Variants in DNAH14 observed in about 807,000 individuals in gnomAD.
The protein encoded by DNAH14 is dynein axonemal heavy chain 14.
DNAH14 carries 478 observed loss-of-function variants against 520.9 expected under a neutral mutation model. The observed-to-expected ratio is 0.92, with a 90% confidence interval of 0.85 to 0.99. The LOEUF is 0.99. Among genes scored for constraint, DNAH14 ranks in the 50% least tolerant of loss-of-function variants. The pLI is 0.00. For missense variants in DNAH14, 4,831 were observed against 5,234.5 expected, an observed-to-expected ratio of 0.92 and a Z score of 2.38; for synonymous variants, 1,581 against 1,757.2, an observed-to-expected ratio of 0.90 and a Z score of 2.51.
chr1:225,149,474 C>A (rs2080271533), intron 31 of DNAH14, among the ~76,000 whole-genome samples: 1 of 152,084 alleles, frequency 6.6e-6, no homozygotes, highest in Non-Finnish European at 1.5e-5. Context: ...ATTAAAATGT[C>A]ACTGGTAATT....
Position 225,308,391 on chromosome 1 carries a change from T to C in DNAH14, c.9221T>C (p.Ile3074Thr), listed in dbSNP as rs2094293076. The change falls in exon 60 of 86, where the codon ATT (isoleucine) becomes ACT (threonine). Residue 3074 changes from isoleucine (I) to threonine (T), a missense_variant. Physicochemically the swap from Ile to Thr is moderately conservative, Grantham distance 89 (BLOSUM62 -1). Transcript: ENST00000682510. Reference protein sequence around the residue: ...DEEIVAEEVRIVEDYAQKTAN... With the variant: ...DEEIVAEEVRTVEDYAQKTAN... ...GAAATTGTGGCAGAAGAAGTAAGAA[T>C]TGTGGAAGATTATGCTCAGGTAAAA... is the stretch of plus-strand genomic sequence containing the variant. The C allele has an allele frequency of 6.5e-7, 1 of 1,532,884 alleles. No homozygotes were observed. Among genetic ancestry groups the C allele is most frequent in the African/African-American group, 1.4e-5 (1 of 71,776 alleles). 95.0% of individuals were successfully genotyped at this position (1,532,884 alleles called of 1,614,324 possible).
At chr1:225,075,183 A>G (rs1248893774) in intron 17 of DNAH14, among the ~76,000 whole-genome samples, 2 of 152,080 alleles carry the variant, frequency 1.3e-5, no homozygotes, top group Non-Finnish European at 2.9e-5. Context: ...TCCATGGGAG[A>G]AGTGTGGTTT....
At chr1:224,978,265 T>A (rs1319066355) in intron 8 of DNAH14, among the ~76,000 whole-genome samples, 1 of 152,056 alleles carries the variant, frequency 6.6e-6, no homozygotes, top group Non-Finnish European at 1.5e-5. Context: ...AATCTAAAAG[T>A]CCATCAACAG....
chr1:225,240,786 C>A lies in DNAH14; in HGVS notation c.6712C>A (p.Leu2238Ile). 1 of 1,549,894 alleles carries A rather than the reference C, an allele frequency of 6.5e-7. No individual in the cohort carries two copies. The highest frequency in any genetic ancestry group is 8.7e-7 in the Non-Finnish European group (1 of 1,145,840). The stretch of plus-strand genomic sequence containing the variant: ...AAAAGTAACATACGATTTTGACAAA[C>A]TTGTTCATGAATTATTTGGAAACAG... ...LAKVTYDFDK[L>I]VHELFGNSSQ... The change falls in exon 43 of 86, where the codon CTT becomes ATT. Residue 2238 changes from leucine to isoleucine, a missense_variant. By Grantham distance (5) the Leu-to-Ile change is conservative. Transcript: ENST00000682510.
intron 10 of DNAH14, among the ~76,000 whole-genome samples, chr1:225,013,707 G>A (rs1330620898): frequency 6.6e-6 from 1 of 152,146 alleles, no homozygotes; most frequent in African/African-American, 2.4e-5. Flanking sequence ...CAGGTGCTGT[G>A]GTAGGGTCTG....
At position 225,195,099 on chromosome 1, in the gene DNAH14, T is replaced by C. The variant is rs1453337982; in HGVS notation, c.5886+2188T>C. On this transcript the variant is annotated intron_variant, in intron 38 of 85. Coordinates refer to ENST00000682510, the MANE Select transcript of DNAH14 (RefSeq NM_001367479.1). ...CAGCCACTGTGGAAAGCACAGTGAT[T>C]TGGTGATTTCTCAAAGAACTTAGAA... Among the ~76,000 whole-genome samples the C allele has an allele frequency of 2.6e-5, 4 of 152,064 alleles. No homozygotes were observed. The East Asian group carries it at 7.8e-4, about 29-fold the overall frequency.
chr1:225,040,206 TGGGATTACA>T (rs1311579978), intron 12 of DNAH14, among the ~76,000 whole-genome samples: 1 of 152,110 alleles, frequency 6.6e-6, no homozygotes, highest in African/African-American at 2.4e-5. Flanking sequence ...CCCGAAGTGT[TGGGATTACA>T]GGCATGAGCC....
At chr1:224,999,273 C>G (rs777896372) in intron 8 of DNAH14, among the ~76,000 whole-genome samples, 2 of 152,072 alleles carry the variant, frequency 1.3e-5, no homozygotes, top group African/African-American at 2.4e-5. Context: ...ATGGCAAGAT[C>G]TCAACTCACC....
At chr1:225,156,757 C>G (rs2081085707) in intron 34 of DNAH14, among the ~76,000 whole-genome samples, 1 of 98,364 alleles carries the variant, frequency 1.0e-5, no homozygotes, top group Non-Finnish European at 1.9e-5. Context: ...CTCTGTCGCC[C>G]AGGCTGGAGT....
intron 41 of DNAH14, among the ~76,000 whole-genome samples, chr1:225,228,039 A>G (rs59935799): frequency 6.6e-6 from 1 of 152,142 alleles, no homozygotes; most frequent in Admixed American, 6.5e-5. Context: ...CATTCCTACC[A>G]GTCAATTTGA....
intron 58 of DNAH14, 86 bp from the exon 59 acceptor site, chr1:225,307,375 G>C: frequency 1.1e-6 from 1 of 931,108 alleles, no homozygotes; most frequent in East Asian, 2.8e-5. Flanking sequence ...GCCATAATTT[G>C]GTGTAATTCT....
rs950854744 is a variant in DNAH14 at position 224,964,690 on chromosome 1, T to G, written c.498+81T>G. The G allele has an allele frequency of 4.0e-6, 5 of 1,244,714 alleles. No individual in the cohort carries two copies. The East Asian group carries it at 1.1e-4, about 27-fold the overall frequency. The allele number at this position is 1,244,714 out of a possible 1,614,324, so 77.1% of individuals were successfully genotyped here. On this transcript the variant is annotated intron_variant, in intron 5 of 85. Transcript: ENST00000682510. Reference sequence around the variant, plus strand: ...TTTAATTTTTATTTCATTTCAGATATTATGTCAAAGTCAAACATTACATTA... The same window carrying G: ...TTTAATTTTTATTTCATTTCAGATAGTATGTCAAAGTCAAACATTACATTA...
At chr1:225,089,393 A>G (rs544191149) in intron 21 of DNAH14, among the ~76,000 whole-genome samples, 19 of 147,256 alleles carry the variant, frequency 1.3e-4, no homozygotes, top group Non-Finnish European at 2.2e-4. Flanking sequence ...GCAGTGAGCC[A>G]AGATCGTGTC....
At chr1:225,128,119 G>A (rs9663018) in intron 27 of DNAH14, among the ~76,000 whole-genome samples, 3 of 151,954 alleles carry the variant, frequency 2.0e-5, no homozygotes, top group East Asian at 1.9e-4. Context: ...TAACCCGACC[G>A]TTCTCTCTGG....
At chr1:225,119,651 T>C (rs1178023742) in intron 26 of DNAH14, among the ~76,000 whole-genome samples, 3 of 152,232 alleles carry the variant, frequency 2.0e-5, no homozygotes, top group Non-Finnish European at 4.4e-5. Context: ...CTTTGCATTT[T>C]GGTTCTACTT....
chr1:225,322,610 G>A, intron 61 of DNAH14, 54 bp from the exon 62 acceptor site: 1 of 1,407,108 alleles, frequency 7.1e-7, no homozygotes, highest in Non-Finnish European at 9.4e-7. Flanking sequence ...ATATTTACAG[G>A]GTGCATTTCA....
At chr1:225,204,458 C>CAT (rs991121954) in intron 39 of DNAH14, among the ~76,000 whole-genome samples, 185 bp downstream of exon 39, 5 of 151,776 alleles carry the variant, frequency 3.3e-5, no homozygotes, top group African/African-American at 4.8e-5. Context: ...ACAATGTATA[C>CAT]ATATATATAT....
At position 225,240,744 on chromosome 1, in the gene DNAH14, G is replaced by C; in HGVS notation, c.6670G>C (p.Glu2224Gln). The C allele has an allele frequency of 1.3e-6, 2 of 1,550,554 alleles. No homozygotes were observed. The highest frequency in any genetic ancestry group is 1.7e-6 in the Non-Finnish European group (2 of 1,146,294). The change falls in exon 43 of 86, where the codon GAA becomes CAA. Residue 2224 changes from glutamate to glutamine, a missense_variant. By Grantham distance (29) the Glu-to-Gln change is conservative (BLOSUM62 2). Transcript: ENST00000682510. Reference sequence around the variant, plus strand: ...AAATATACCATTTTGTCCCAGTCTTGAACCTGATTCTCTTGCAAAAGTAAC... The same window carrying C: ...AAATATACCATTTTGTCCCAGTCTTCAACCTGATTCTCTTGCAAAAGTAAC... ...RENIPFCPSL[E>Q]PDSLAKVTYD... is the part of the protein sequence containing the mutation.
chr1:225,011,758 C>CTTTTTTTTTTTTTTTTTT (rs200216236), intron 10 of DNAH14, among the ~76,000 whole-genome samples: 3 of 82,156 alleles, frequency 3.7e-5, no homozygotes, highest in Non-Finnish European at 6.5e-5. Flanking sequence ...GCAACCTCTG[C>CTTTTTTTTTTTTTTTTTT]TTTTTTTTTT....
Sources: allele counts gnomAD v4.1 joint callset (sites outside exome capture counted in the v4.1 genomes callset), GRCh38; gene constraint gnomAD v4.1.1; transcripts MANE v1.5; gene names NCBI Gene and HGNC (gene_info 2026-07-23, HGNC 2026-07-21).